Variants in ZMAT4 observed in about 807,000 individuals in gnomAD.
The protein encoded by ZMAT4 is zinc finger matrin-type protein 4.
Under a neutral mutation model 28.7 loss-of-function variants are expected in ZMAT4, and 17 were observed. The ratio of observed to expected loss-of-function variants is 0.59; its 90% CI spans 0.41 to 0.89. The LOEUF (loss-of-function observed/expected upper bound fraction) is 0.89. Ranked by LOEUF, ZMAT4 falls within the 40% of genes least tolerant of loss-of-function variation. The pLI is 0.00. For missense variants in ZMAT4, 240 were observed against 283.8 expected, an observed-to-expected ratio of 0.85 and a Z score of 1.11; for synonymous variants, 117 against 109.2, an observed-to-expected ratio of 1.07 and a Z score of -0.44.
chr8:40,580,955 A>G (rs1309527493), intron 6 of ZMAT4, among the ~76,000 whole-genome samples: 3 of 152,210 alleles, frequency 2.0e-5, no homozygotes, highest in Non-Finnish European at 4.4e-5. Flanking sequence ...CTGTCCTTGA[A>G]AAAATGAAAA....
chr8:40,870,844 G>A (rs1817831009), intron 1 of ZMAT4, among the ~76,000 whole-genome samples: 1 of 152,194 alleles, frequency 6.6e-6, no homozygotes. Context: ...TGCAAATAAA[G>A]CAGAGATTCC....
At position 40,696,153 on chromosome 8, in the gene ZMAT4, C is replaced by T. The variant is rs141475053; in HGVS notation, c.349+1092G>A. ...TTGTCTCCAGATTTCATGTGTTTTGCAACCTCATCCTATGCCTGAATGTCA... is the reference window on the plus strand; with the variant it reads ...TTGTCTCCAGATTTCATGTGTTTTGTAACCTCATCCTATGCCTGAATGTCA... On this transcript the variant is annotated intron_variant, in intron 4 of 6. Transcript: ENST00000297737. 5.9e-3 allele frequency among the ~76,000 whole-genome samples: 905 copies of T among 152,228 alleles called. 9 individuals carry two copies. Among genetic ancestry groups the T allele is most frequent in the African/African-American group, 0.021 (856 of 41,530 alleles).
At chr8:40,812,564 G>A (rs760992347) in intron 2 of ZMAT4, among the ~76,000 whole-genome samples, 10 of 152,162 alleles carry the variant, frequency 6.6e-5, no homozygotes. Context: ...TCCTGGGTGG[G>A]ACCCTGGGAC....
At chr8:40,569,995 C>T (rs1301491102) in intron 6 of ZMAT4, among the ~76,000 whole-genome samples, 1 of 152,182 alleles carries the variant, frequency 6.6e-6, no homozygotes, top group Non-Finnish European at 1.5e-5. Flanking sequence ...CAACCCCTCA[C>T]ATTTCAAATG....
At chr8:40,713,454 AC>A (rs200020579) in intron 3 of ZMAT4, among the ~76,000 whole-genome samples, 5 of 152,124 alleles carry the variant, frequency 3.3e-5, no homozygotes, top group African/African-American at 9.7e-5. Flanking sequence ...GAAAAAAAAA[AC>A]AACATGAAGG....
intron 6 of ZMAT4, among the ~76,000 whole-genome samples, chr8:40,567,682 G>T (rs936674815): frequency 6.9e-6 from 1 of 144,986 alleles, no homozygotes; most frequent in Non-Finnish European, 1.5e-5. Flanking sequence ...CAGCCTGGGG[G>T]ACAGAGCAAG....
intron 2 of ZMAT4, among the ~76,000 whole-genome samples, chr8:40,801,979 G>A (rs532590875): frequency 8.4e-4 from 127 of 152,088 alleles, no homozygotes; most frequent in African/African-American, 2.4e-3. Flanking sequence ...AAAAAAAATC[G>A]CATGATCTAT....
chr8:40,538,235 G>GT (rs1240662156), intron 6 of ZMAT4, among the ~76,000 whole-genome samples: 2 of 152,134 alleles, frequency 1.3e-5, no homozygotes. Context: ...GCAACCCTTT[G>GT]TTTTAACCCA....
intron 5 of ZMAT4, among the ~76,000 whole-genome samples, chr8:40,638,100 C>T (rs1025805626): frequency 3.3e-5 from 5 of 152,114 alleles, no homozygotes; most frequent in African/African-American, 1.2e-4. Flanking sequence ...TCAAAGGGTA[C>T]ACCATTTCAG....
intron 2 of ZMAT4, among the ~76,000 whole-genome samples, chr8:40,824,436 C>A (rs1336899586): frequency 6.6e-6 from 1 of 151,970 alleles, no homozygotes; most frequent in Non-Finnish European, 1.5e-5. Flanking sequence ...CTGAGTGAGA[C>A]CCTGTCTCAA....
intron 2 of ZMAT4, among the ~76,000 whole-genome samples, chr8:40,781,141 C>T (rs1813808898): frequency 6.6e-6 from 1 of 151,880 alleles, no homozygotes; most frequent in East Asian, 1.9e-4. Flanking sequence ...AACTGATCCA[C>T]CAAAAATTAC....
intron 3 of ZMAT4, among the ~76,000 whole-genome samples, chr8:40,718,463 A>G (rs1810946573): frequency 6.6e-6 from 1 of 152,212 alleles, no homozygotes; most frequent in Non-Finnish European, 1.5e-5. Flanking sequence ...CAATACTTGC[A>G]GGATGACTGG....
chr8:40,777,812 G>A (rs955585599), intron 2 of ZMAT4, among the ~76,000 whole-genome samples: 2 of 152,088 alleles, frequency 1.3e-5, no homozygotes, highest in Admixed American at 6.6e-5. Flanking sequence ...CTGCAACAAG[G>A]CTCCCAGGAG....
intron 6 of ZMAT4, among the ~76,000 whole-genome samples, chr8:40,537,597 C>T (rs1445091749): frequency 2.0e-5 from 3 of 152,202 alleles, no homozygotes; most frequent in Non-Finnish European, 4.4e-5. Flanking sequence ...ATGCAAATGA[C>T]CACTCCTGAT....
rs950277746 is a variant in ZMAT4 at position 40,558,118 on chromosome 8, G to A, written c.674+23047C>T. On this transcript the variant is annotated intron_variant, in intron 6 of 6. Transcript: ENST00000297737. ...TGGCTACCTGAAAATCAGAAAGAAG[G>A]CCGGCCAGGCTGCCATGGGTGTGGT... Among the ~76,000 whole-genome samples, 15 of 152,188 alleles carry A rather than the reference G, an allele frequency of 9.9e-5. No individual in the cohort carries two copies. The East Asian group carries it at 2.9e-3, about 30-fold the overall frequency.
intron 1 of ZMAT4, among the ~76,000 whole-genome samples, chr8:40,882,809 T>C (rs773078511): frequency 3.3e-5 from 5 of 152,196 alleles, no homozygotes; most frequent in Admixed American, 6.5e-5. Context: ...GGAGTTACCT[T>C]GGATTAGATC....
intron 5 of ZMAT4, among the ~76,000 whole-genome samples, chr8:40,585,765 G>A (rs555157577): frequency 1.3e-5 from 2 of 152,148 alleles, no homozygotes; most frequent in Non-Finnish European, 2.9e-5. Context: ...TCTAAGCATG[G>A]AATCAGAATA....
At chr8:40,630,101 G>A (rs1901373) in intron 5 of ZMAT4, among the ~76,000 whole-genome samples, 85,102 of 151,458 alleles carry the variant, frequency 0.56, 25,026 homozygotes, top group East Asian at 0.69. Flanking sequence ...ACTTATGCTA[G>A]TTCCTCTACC....
chr8:40,729,927 A>AG (rs1237168937), intron 3 of ZMAT4, among the ~76,000 whole-genome samples: 1 of 152,150 alleles, frequency 6.6e-6, no homozygotes, highest in East Asian at 1.9e-4. Flanking sequence ...AAAAAAACAA[A>AG]ATTATTTGGC....
Sources: allele counts gnomAD v4.1 joint callset (sites outside exome capture counted in the v4.1 genomes callset), GRCh38; gene constraint gnomAD v4.1.1; transcripts MANE v1.5; gene names NCBI Gene and HGNC (gene_info 2026-07-23, HGNC 2026-07-21).